The following STK33 variants were observed in gnomAD, a reference collection of about 807,000 sequenced individuals.
The protein encoded by STK33 is serine/threonine kinase 33, also known as serine/threonine-protein kinase 33.
A neutral mutation model predicts 58.0 loss-of-function variants in STK33; 52 were observed. That is an observed-to-expected ratio of 0.90 (90% CI 0.72 to 1.13). The LOEUF is 1.13. STK33 is among the 50% of genes most tolerant of loss of function. The pLI is 0.00. For synonymous variants in STK33, 215 were observed against 200.1 expected, an observed-to-expected ratio of 1.07 and a Z score of -0.63; for missense variants, 630 against 604.2, an observed-to-expected ratio of 1.04 and a Z score of -0.45.
At chr11:8,462,509 C>T (rs1947684223) in intron 7 of STK33, among the ~76,000 whole-genome samples, 1 of 148,780 alleles carries the variant, frequency 6.7e-6, no homozygotes, top group Non-Finnish European at 1.5e-5. Flanking sequence ...AAATAATAGG[C>T]AATGAGATTC....
chr11:8,566,377 A>G (rs1253920714), intron 1 of STK33, among the ~76,000 whole-genome samples: 1 of 152,162 alleles, frequency 6.6e-6, no homozygotes, highest in African/African-American at 2.4e-5. Context: ...CTTAGTAAAC[A>G]CTCAATATTT....
chr11:8,453,480 T>G (rs773434645), intron 10 of STK33, among the ~76,000 whole-genome samples: 1 of 152,162 alleles, frequency 6.6e-6, no homozygotes, highest in Non-Finnish European at 1.5e-5. Flanking sequence ...ACTACACTAT[T>G]AAAAACTACA....
At chr11:8,575,963 A>G (rs1450022189) in intron 1 of STK33, among the ~76,000 whole-genome samples, 2 of 152,182 alleles carry the variant, frequency 1.3e-5, no homozygotes, top group African/African-American at 4.8e-5. Context: ...TGTATTCTAA[A>G]GACTACAGAT....
intron 14 of STK33, among the ~76,000 whole-genome samples, chr11:8,431,604 C>A (rs1943436053): frequency 6.6e-6 from 1 of 152,066 alleles, no homozygotes; most frequent in African/African-American, 2.4e-5. Context: ...CCCTCTAGTA[C>A]CTGATGGATT....
the STK33 span, among the ~76,000 whole-genome samples, chr11:8,380,848 C>T: frequency 2.0e-5 from 3 of 152,290 alleles, no homozygotes; most frequent in Admixed American, 6.5e-5. Flanking sequence ...TGCCCATCAA[C>T]CAATGAGTGC....
Position 8,535,008 on chromosome 11 carries a change from A to G in STK33, c.-465-54394T>C, listed in dbSNP as rs1367834778. Among the ~76,000 whole-genome samples, 3 of 152,142 alleles carry G rather than the reference A, an allele frequency of 2.0e-5. No individual in the cohort carries two copies. In the South Asian group the frequency reaches 6.2e-4, roughly 31 times the overall value. ...CCTTAGAAAGACGTCAGAGAAGGGG[A>G]GAGAGAGTATGGAAAGTCATCCCTA... On this transcript the variant is annotated intron_variant, in intron 1 of 15. Transcript: ENST00000687296.
intron 12 of STK33, among the ~76,000 whole-genome samples, chr11:8,437,455 C>G (rs924163032): frequency 1.3e-5 from 2 of 152,174 alleles, no homozygotes; most frequent in African/African-American, 4.8e-5. Context: ...GACAACCAGA[C>G]AGATGTAATT....
At chr11:8,557,642 C>T (rs775825106) in intron 1 of STK33, among the ~76,000 whole-genome samples, 5 of 151,966 alleles carry the variant, frequency 3.3e-5, no homozygotes, top group Non-Finnish European at 7.4e-5. Flanking sequence ...CAATTATAGA[C>T]TTGTAACTCC....
chr11:8,385,594 T>C, the STK33 span, among the ~76,000 whole-genome samples: 66 of 152,360 alleles, frequency 4.3e-4, no homozygotes, highest in Admixed American at 8.5e-4. Context: ...TATAATTATT[T>C]TACGCATTTG....
intron 1 of STK33, among the ~76,000 whole-genome samples, chr11:8,571,879 C>T (rs549281385): frequency 2.4e-5 from 2 of 82,568 alleles, no homozygotes; most frequent in South Asian, 4.5e-4. Flanking sequence ...TATTTTACCA[C>T]AATAAAAAAA....
chr11:8,426,869 A>G (rs1942835405), intron 14 of STK33, among the ~76,000 whole-genome samples: 1 of 151,800 alleles, frequency 6.6e-6, no homozygotes, highest in South Asian at 2.1e-4. Context: ...ATTCCTTCCT[A>G]CTTTAAAAAT....
chr11:8,372,044 AT>A, the STK33 span, among the ~76,000 whole-genome samples: 1 of 151,678 alleles, frequency 6.6e-6, no homozygotes, highest in South Asian at 2.1e-4. Context: ...TAATATTTTG[AT>A]TTTTTGTAGA....
At position 8,413,435 on chromosome 11, in the gene STK33, G is replaced by A. The variant is rs1054004187; in HGVS notation, c.1344+60C>T. 7.7e-6 allele frequency: 12 copies of A among 1,565,312 alleles called. No individual in the cohort carries two copies. In the Admixed American group the frequency reaches 1.0e-4, roughly 14 times the overall value. ...AAAAAGACAGATTTGCAAAAAAAATGTTCCAGGTGTGGTGAGGGTATTTTA... is the reference window on the plus strand; with the variant it reads ...AAAAAGACAGATTTGCAAAAAAAATATTCCAGGTGTGGTGAGGGTATTTTA... On this transcript the variant is annotated intron_variant, in intron 15 of 15. Transcript: ENST00000687296.
chr11:8,391,275 G>C (rs1848618125), downstream of STK33, among the ~76,000 whole-genome samples: 1 of 152,322 alleles, frequency 6.6e-6, no homozygotes. Context: ...CTATGTTAAT[G>C]ACAGTTTAAA....
chr11:8,539,596 A>G (rs1591695148), intron 1 of STK33, among the ~76,000 whole-genome samples: 1 of 152,356 alleles, frequency 6.6e-6, no homozygotes, highest in African/African-American at 2.4e-5. Context: ...AAATAAGAGT[A>G]AACAACCCAA....
intron 1 of STK33, among the ~76,000 whole-genome samples, chr11:8,538,148 G>A (rs2044464): frequency 0.55 from 83,524 of 151,712 alleles, 23,336 homozygotes; most frequent in African/African-American, 0.65. Context: ...AGAATGCGCT[G>A]TTGCACTCTA....
intron 15 of STK33, among the ~76,000 whole-genome samples, chr11:8,407,093 T>C (rs189122208): frequency 6.6e-6 from 1 of 152,164 alleles, no homozygotes; most frequent in Non-Finnish European, 1.5e-5. Flanking sequence ...TTTCCCAAAA[T>C]CATTGAGATA....
chr11:8,486,667 A>G (rs1165635200), intron 1 of STK33, among the ~76,000 whole-genome samples: 1 of 152,214 alleles, frequency 6.6e-6, no homozygotes, highest in African/African-American at 2.4e-5. Context: ...AGGTGAGAGA[A>G]TGACATAATA....
the STK33 span, among the ~76,000 whole-genome samples, chr11:8,348,934 G>A: frequency 6.6e-6 from 1 of 152,176 alleles, no homozygotes; most frequent in Non-Finnish European, 1.5e-5. Flanking sequence ...TTCAACTTTG[G>A]TTTGAATTGT....
Sources: gnomAD v4.1 joint callset for allele counts (sites outside exome capture counted in the v4.1 genomes callset) on GRCh38, gnomAD v4.1.1 for gene constraint, MANE v1.5 for transcripts, NCBI Gene and HGNC (gene_info 2026-07-23, HGNC 2026-07-21) for gene names.